PHC2: variants seen among roughly 807,000 people sequenced by gnomAD.
PHC2 encodes polyhomeotic-like protein 2.
Under a neutral mutation model 87.4 loss-of-function variants are expected in PHC2, and 29 were observed. The ratio of observed to expected loss-of-function variants is 0.33; its 90% CI spans 0.25 to 0.45. The LOEUF is 0.45. PHC2 is among the 20% of genes least tolerant of loss of function. PHC2 has a pLI of 1.00. For synonymous variants in PHC2, 438 were observed against 461.7 expected (o/e 0.95, Z 0.66); for missense variants, 857 against 1,136.7 (o/e 0.75, Z 3.54).
At chr1:33,343,362 C>T (rs550607845) in intron 9 of PHC2, among the ~76,000 whole-genome samples, 4 of 145,178 alleles carry the variant, frequency 2.8e-5, no homozygotes, top group African/African-American at 7.5e-5. Flanking sequence ...CCCCGCTACT[C>T]GGGAGGCTGA....
At chr1:33,348,200 G>A (rs976824357) in intron 9 of PHC2, among the ~76,000 whole-genome samples, 2 of 152,272 alleles carry the variant, frequency 1.3e-5, no homozygotes, top group African/African-American at 4.8e-5. Context: ...ACGATGGGAA[G>A]CCCTACATCC....
chr1:33,428,606 TA>T (rs1285063238), intron 1 of PHC2, among the ~76,000 whole-genome samples: 3 of 152,196 alleles, frequency 2.0e-5, no homozygotes, highest in Non-Finnish European at 4.4e-5. Flanking sequence ...GATCAGGAAG[TA>T]AAAATAGGCT....
chr1:33,333,263 C>T (rs998284032), intron 10 of PHC2: 3 of 152,260 alleles, frequency 2.0e-5, no homozygotes, highest in Non-Finnish European at 2.9e-5. Context: ...GTTCACCCAT[C>T]TCAGTTAATC....
At chr1:33,406,830 T>C (rs2148386248) in intron 1 of PHC2, among the ~76,000 whole-genome samples, 1 of 152,214 alleles carries the variant, frequency 6.6e-6, no homozygotes, top group East Asian at 1.9e-4. Context: ...TTAAGGAAAA[T>C]TCTCTGCTAC....
chr1:33,418,375 G>C (rs1557849144), intron 1 of PHC2, among the ~76,000 whole-genome samples: 1 of 112,528 alleles, frequency 8.9e-6, no homozygotes. Context: ...GAGAGTGAGA[G>C]AGAGAGAAAG....
intron 9 of PHC2, among the ~76,000 whole-genome samples, chr1:33,344,770 A>ATT: frequency 6.7e-6 from 1 of 148,290 alleles, no homozygotes; most frequent in Non-Finnish European, 1.5e-5. Flanking sequence ...TGCCCAGGTA[A>ATT]TTTTTTTTTT....
rs34468965 is a variant in PHC2 at position 33,364,390 on chromosome 1, TCACACACACACACA to T, written c.976+2712_976+2725del. Among the ~76,000 whole-genome samples the T allele has an allele frequency of 0.13, 14,020 of 106,724 alleles. 920 individuals carry two copies. Among genetic ancestry groups the T allele is most frequent in the East Asian group, 0.34 (1,384 of 4,064 alleles). The allele number at this position is 106,724 out of a possible 152,430, so 70.0% of individuals were successfully genotyped here. A position where few individuals can be genotyped will look rare whatever the true frequency, so the allele number is the denominator to read the frequency against. ...CACACACACACACACACACTTGCTT[TCACACACACACACA>T]CACACACACACACACACACACGCTC... On this transcript the variant is annotated intron_variant, in intron 7 of 14. Transcript: ENST00000683057. This position sits in a 1 kb window ranked among gnomAD's most constrained non-coding sequence, Gnocchi z 4.1.
chr1:33,347,270 C>A (rs1430941003), intron 9 of PHC2: 1 of 985,176 alleles, frequency 1.0e-6, no homozygotes, highest in Non-Finnish European at 1.2e-6. Context: ...CAGCACAGTG[C>A]CTTCCTAAGA....
chr1:33,379,453 CGCCCCCCACCATCCCCCCA>C (rs1648378926), intron 1 of PHC2, among the ~76,000 whole-genome samples: 1 of 25,536 alleles, frequency 3.9e-5, no homozygotes, highest in Non-Finnish European at 8.0e-5. Flanking sequence ...CCATCCCCCC[CGCCCCCCACCATCCCCCCA>C]CCCACTGTCC....
rs759667721 is a variant in PHC2 at position 33,334,619 on chromosome 1, C to G, written c.1559-327G>C. On this transcript the variant is annotated intron_variant, in intron 9 of 14. Transcript: ENST00000683057. This position sits in a 1 kb window ranked among gnomAD's most constrained non-coding sequence, Gnocchi z 5.5. Reference sequence around the variant, plus strand: ...ATCTTTGAGGAGTTAAGACCTTGGTCGATACTGATTTGAACAAATAAGGTT... The same window carrying G: ...ATCTTTGAGGAGTTAAGACCTTGGTGGATACTGATTTGAACAAATAAGGTT... Among the ~76,000 whole-genome samples, 3 of 152,132 alleles carry G rather than the reference C, an allele frequency of 2.0e-5. No individual in the cohort carries two copies. Among genetic ancestry groups the G allele is most frequent in the Non-Finnish European group, 4.4e-5 (3 of 68,034 alleles).
chr1:33,382,237 C>G lies in PHC2; in HGVS notation c.-54-6644G>C, dbSNP rs754219030. On this transcript the variant is annotated intron_variant, in intron 1 of 14. Coordinates refer to ENST00000683057, the MANE Select transcript of PHC2 (RefSeq NM_001385109.1). This position sits in a 1 kb window ranked among gnomAD's most constrained non-coding sequence, Gnocchi z 4.3. ...TCTCCCCCTTCACACCTTCCTTCCG[C>G]TCAAAGTTCTGGCTGCTGGAGAGTA... Among the ~76,000 whole-genome samples, 1 of 152,122 alleles carries G rather than the reference C, an allele frequency of 6.6e-6. No individual in the cohort carries two copies. Among genetic ancestry groups the G allele is most frequent in the Non-Finnish European group, 1.5e-5 (1 of 68,026 alleles).
intron 1 of PHC2, among the ~76,000 whole-genome samples, chr1:33,394,728 G>A (rs899590080): frequency 6.6e-6 from 1 of 152,084 alleles, no homozygotes; most frequent in Admixed American, 6.6e-5. Context: ...ACTGCACCTG[G>A]CTAATTTTTT....
In PHC2 at chr1:33,372,297, C is replaced by T. The variant is rs760492303; in HGVS notation, c.325G>A (p.Val109Ile). The T allele has an allele frequency of 9.6e-6, 15 of 1,563,848 alleles. No individual in the cohort carries two copies. The highest frequency in any genetic ancestry group is 4.7e-5 in the South Asian group (4 of 85,146). The change falls in exon 3 of 15, where the codon GTA (valine) becomes ATA (isoleucine). Residue 109 changes from valine to isoleucine, a missense_variant. Val to Ile is a conservative substitution (Grantham distance 29). Around this residue, in one of 3 missense-constraint regions of PHC2, gnomAD observed 832 missense variants for 1,081.8 expected, o/e 0.77. Coordinates refer to ENST00000683057, the MANE Select transcript of PHC2 (RefSeq NM_001385109.1). ...TCCTTCCCAAGTCTCACCTGCTGTACGGCTGCCAGGCTCTGGAGCTGGGCG... is the reference window on the plus strand; with the variant it reads ...TCCTTCCCAAGTCTCACCTGCTGTATGGCTGCCAGGCTCTGGAGCTGGGCG... The part of the protein sequence containing the change: ...SSAQLQSLAA[V>I]QQASLVSNRQ...
intron 1 of PHC2, among the ~76,000 whole-genome samples, chr1:33,430,548 G>C (rs1650869427): frequency 6.6e-6 from 1 of 152,072 alleles, no homozygotes; most frequent in African/African-American, 2.4e-5. Flanking sequence ...CAAGACCACG[G>C]GCTGCCGCGG....
At chr1:33,344,667 G>A (rs1646812786) in intron 9 of PHC2, among the ~76,000 whole-genome samples, 1 of 152,118 alleles carries the variant, frequency 6.6e-6, no homozygotes, top group South Asian at 2.1e-4. Flanking sequence ...GCAGTGGCAC[G>A]ATCATGGCTC....
rs1053123075 is a variant in PHC2, at chr1:33,349,058, T to C, written c.1558+5343A>G. ...AAGCAACAAATATAGTCTACCTTCA[T>C]TTGGCATAGGAAGGAGAGAAAACGC... On this transcript the variant is annotated intron_variant, in intron 9 of 14. Transcript: ENST00000683057. The surrounding 1 kb of genome is among the most constrained non-coding windows in gnomAD (Gnocchi z 4.2). 31 of 983,868 alleles carry C rather than the reference T, an allele frequency of 3.2e-5. No homozygotes were observed. The highest frequency in any genetic ancestry group is 3.5e-5 in the Non-Finnish European group (29 of 828,600). The allele number at this position is 983,868 out of a possible 1,614,324, so 60.9% of individuals were successfully genotyped here. A position where few individuals can be genotyped will look rare whatever the true frequency, so the allele number is the denominator to read the frequency against.
chr1:33,334,788 T>A lies in PHC2; in HGVS notation c.1559-496A>T, dbSNP rs1266447274. Among the ~76,000 whole-genome samples, 1 of 152,186 alleles carries A rather than the reference T, an allele frequency of 6.6e-6. No homozygotes were observed. The highest frequency in any genetic ancestry group is 1.9e-4 in the East Asian group (1 of 5,196). On this transcript the variant is annotated intron_variant, in intron 9 of 14. Transcript: ENST00000683057. This position sits in a 1 kb window ranked among gnomAD's most constrained non-coding sequence, Gnocchi z 5.5. ...GAGGGATTTTAAGAGCCCTGTGAAA[T>A]GTCAAAACACTGAACCCCAGAAATT...
chr1:33,374,560 A>G (rs1483791523), intron 2 of PHC2, among the ~76,000 whole-genome samples: 1 of 152,054 alleles, frequency 6.6e-6, no homozygotes, highest in Non-Finnish European at 1.5e-5. Context: ...TTGTTCCCTT[A>G]TCTGGGCCTA....
chr1:33,339,363 A>G (rs1646699608), intron 9 of PHC2, among the ~76,000 whole-genome samples: 1 of 152,148 alleles, frequency 6.6e-6, no homozygotes, highest in Non-Finnish European at 1.5e-5. Flanking sequence ...TTCTGAAGCT[A>G]TGATGTTTTG....
Sources: allele counts gnomAD v4.1 joint callset (sites outside exome capture counted in the v4.1 genomes callset), GRCh38; gene constraint gnomAD v4.1.1; regional missense constraint gnomAD v4.1.1; non-coding constraint Gnocchi (gnomAD v3.1); transcripts MANE v1.5; gene names NCBI Gene and HGNC (gene_info 2026-07-23, HGNC 2026-07-21).